FILIP1: variants seen among roughly 807,000 people sequenced by gnomAD.
FILIP1 encodes the protein filamin-A-interacting protein 1.
Under a neutral mutation model 102.1 loss-of-function variants are expected in FILIP1, and 61 were observed. The ratio of observed to expected loss-of-function variants is 0.60; its 90% confidence interval spans 0.49 to 0.74. FILIP1 has a LOEUF of 0.74. Ranked by LOEUF, FILIP1 falls within the 30% of genes least tolerant of loss-of-function variation. The pLI is 0.00. For synonymous variants in FILIP1, 491 were observed against 526.9 expected (o/e 0.93, Z 0.93); for missense variants, 1,314 against 1,441.2 (o/e 0.91, Z 1.43).
At chr6:75,464,196 A>C (rs1412952551) in intron 1 of FILIP1, among the ~76,000 whole-genome samples, 1 of 152,190 alleles carries the variant, frequency 6.6e-6, no homozygotes, top group East Asian at 1.9e-4. Flanking sequence ...TCAAGTACTT[A>C]CATTTTATTA....
intron 2 of FILIP1, among the ~76,000 whole-genome samples, chr6:75,397,254 A>ATT (rs1776493362): frequency 6.6e-6 from 1 of 151,904 alleles, no homozygotes; most frequent in East Asian, 1.9e-4. Flanking sequence ...AAATATAAAA[A>ATT]ATTCTAAAAA....
At chr6:75,481,569 TCC>T (rs2149778932) in intron 1 of FILIP1, among the ~76,000 whole-genome samples, 2 of 152,154 alleles carry the variant, frequency 1.3e-5, no homozygotes, top group Admixed American at 1.3e-4. Context: ...AATGCAGGCA[TCC>T]TCTATCCGCC....
chr6:75,424,599 C>T (rs1028941103), intron 1 of FILIP1, among the ~76,000 whole-genome samples: 4 of 152,102 alleles, frequency 2.6e-5, no homozygotes, highest in African/African-American at 9.7e-5. Flanking sequence ...TTTAAAAATT[C>T]TAGTCTGTGG....
At chr6:75,348,603 C>A (rs564317292) in intron 4 of FILIP1, among the ~76,000 whole-genome samples, 81 of 152,206 alleles carry the variant, frequency 5.3e-4, no homozygotes, top group Non-Finnish European at 1.0e-3. Context: ...TTAAGCAATT[C>A]CTGGAAAGTG....
intron 2 of FILIP1, among the ~76,000 whole-genome samples, chr6:75,393,328 A>G (rs1444588520): frequency 6.6e-6 from 1 of 152,200 alleles, no homozygotes; most frequent in East Asian, 1.9e-4. Context: ...ATATATGAAG[A>G]TTCAGATCAC....
At chr6:75,414,295 C>G (rs777195782) in intron 2 of FILIP1, among the ~76,000 whole-genome samples, 4 of 151,854 alleles carry the variant, frequency 2.6e-5, no homozygotes, top group Non-Finnish European at 5.9e-5. Context: ...CACTCTACCT[C>G]CTAGAAAAAA....
At chr6:75,342,363 C>T (rs117260365) in intron 4 of FILIP1, among the ~76,000 whole-genome samples, 1 of 152,228 alleles carries the variant, frequency 6.6e-6, no homozygotes, top group Non-Finnish European at 1.5e-5. Flanking sequence ...AGCACACATA[C>T]AGATTATTTT....
chr6:75,324,514 C>T (rs959222720), intron 4 of FILIP1, among the ~76,000 whole-genome samples: 3 of 152,104 alleles, frequency 2.0e-5, no homozygotes, highest in Admixed American at 6.5e-5. Context: ...ACCATACTGC[C>T]AAAGGCACTC....
chr6:75,355,391 AT>A (rs397885759), intron 3 of FILIP1, among the ~76,000 whole-genome samples: 15,852 of 131,270 alleles, frequency 0.12, 549 homozygotes, highest in African/African-American at 0.19. Context: ...AGGTTATAAG[AT>A]TTTTTTTTTT....
intron 4 of FILIP1, among the ~76,000 whole-genome samples, chr6:75,345,453 C>T (rs1055762533): frequency 6.6e-6 from 1 of 151,726 alleles, no homozygotes; most frequent in Non-Finnish European, 1.5e-5. Context: ...AGCAGATGTG[C>T]CCGTAGGAAT....
chr6:75,441,308 C>T (rs1415332574), intron 1 of FILIP1, among the ~76,000 whole-genome samples: 1 of 152,260 alleles, frequency 6.6e-6, no homozygotes, highest in East Asian at 1.9e-4. Context: ...GATAAGGTCA[C>T]AGATCAACAG....
At chr6:75,384,313 A>G (rs1219265999) in intron 2 of FILIP1, among the ~76,000 whole-genome samples, 1 of 152,196 alleles carries the variant, frequency 6.6e-6, no homozygotes. Context: ...CCTTTACCAG[A>G]CATCTCTGAT....
intron 4 of FILIP1, among the ~76,000 whole-genome samples, chr6:75,342,618 C>T (rs558428493): frequency 1.8e-4 from 27 of 152,174 alleles, no homozygotes; most frequent in African/African-American, 2.9e-4. Flanking sequence ...TCTGGAGTTG[C>T]GACTAACCTC....
At chr6:75,462,992 T>C (rs1043749800) in intron 1 of FILIP1, among the ~76,000 whole-genome samples, 2 of 152,180 alleles carry the variant, frequency 1.3e-5, no homozygotes, top group Non-Finnish European at 2.9e-5. Context: ...CATAACTTCA[T>C]CTATACCTGA....
intron 1 of FILIP1, among the ~76,000 whole-genome samples, chr6:75,456,497 A>T (rs959411610): frequency 4.6e-5 from 7 of 152,296 alleles, no homozygotes; most frequent in African/African-American, 1.7e-4. Context: ...TTTCAATAAA[A>T]GTGTGTTTCA....
intron 4 of FILIP1, among the ~76,000 whole-genome samples, chr6:75,339,392 A>G (rs1460969990): frequency 6.6e-6 from 1 of 152,212 alleles, no homozygotes; most frequent in Non-Finnish European, 1.5e-5. Flanking sequence ...CTACTTTAGA[A>G]ATTATAGGGT....
At chr6:75,340,106 C>T (rs1774372678) in intron 4 of FILIP1, among the ~76,000 whole-genome samples, 1 of 151,942 alleles carries the variant, frequency 6.6e-6, no homozygotes. Flanking sequence ...TTCTAGTTAC[C>T]ACATATTTTA....
intron 4 of FILIP1, among the ~76,000 whole-genome samples, chr6:75,343,949 T>C (rs781643194): frequency 3.9e-5 from 6 of 152,130 alleles, no homozygotes; most frequent in Non-Finnish European, 5.9e-5. Context: ...AGTGAATAAA[T>C]ACAGAAAGCT....
intron 4 of FILIP1, among the ~76,000 whole-genome samples, chr6:75,329,909 G>T (rs1001922200): frequency 3.9e-5 from 6 of 152,090 alleles, no homozygotes; most frequent in African/African-American, 1.4e-4. Flanking sequence ...CATATCCTTT[G>T]TGTTACCAAT....
Sources: gnomAD v4.1 joint callset for allele counts (sites outside exome capture counted in the v4.1 genomes callset) on GRCh38, gnomAD v4.1.1 for gene constraint, MANE v1.5 for transcripts, NCBI Gene and HGNC (gene_info 2026-07-23, HGNC 2026-07-21) for gene names.